The following MGAT1 variants were observed in gnomAD, a reference collection of about 807,000 sequenced individuals.
MGAT1 encodes N-glycosyl-oligosaccharide-glycoprotein N-acetylglucosaminyltransferase I.
In MGAT1, 14 loss-of-function variants were observed where a neutral mutation model predicts 31.7. The ratio of observed to expected loss-of-function variants is 0.44; its 90% CI spans 0.29 to 0.69. The LOEUF is 0.69. Ranked by LOEUF, MGAT1 falls within the 30% of genes least tolerant of loss-of-function variation. MGAT1 has a pLI of 0.12. For missense variants in MGAT1, 557 were observed against 626.0 expected (o/e 0.89, Z 1.18); for synonymous variants, 338 against 276.0 (o/e 1.22, Z -2.23).
intron 1 of MGAT1, chr5:180,811,333 A>G (rs1469745975): frequency 1.3e-5 from 2 of 152,152 alleles, no homozygotes; most frequent in African/African-American, 4.8e-5. Context: ...ATTTGGAACG[A>G]TATAATTTTT....
chr5:180,792,290 G>C lies in MGAT1; in HGVS notation c.682C>G (p.Leu228Val), dbSNP rs781702757. 7 of 1,610,366 alleles carry C rather than the reference G, an allele frequency of 4.3e-6. No individual in the cohort carries two copies. The highest frequency in any genetic ancestry group is 5.1e-6 in the Non-Finnish European group (6 of 1,177,826). ...CACAGGGAGGGGTCGGCCTTCAGCA[G>C]CGGATAGGTGGCCCGAAAGTACTCG... ...FFEYFRATYP[L>V]LKADPSLWCV... Residue 228 changes from leucine (L) to valine (V), a missense_variant, in exon 2 of 2, where the codon CTG (leucine) becomes GTG (valine). Around this residue, in one of 3 missense-constraint regions of MGAT1, gnomAD observed 245 missense variants for 332.9 expected, o/e 0.74. Coordinates refer to ENST00000307826, the MANE Select transcript of MGAT1 (RefSeq NM_002406.4).
intron 1 of MGAT1, among the ~76,000 whole-genome samples, chr5:180,794,207 T>C (rs1386918174): frequency 2.7e-5 from 4 of 147,544 alleles, no homozygotes; most frequent in Non-Finnish European, 5.9e-5. Context: ...ACGGAGACCC[T>C]GTCTCTACAA....
intron 1 of MGAT1, among the ~76,000 whole-genome samples, chr5:180,796,910 AAG>A (rs1026603892): frequency 2.0e-5 from 3 of 152,050 alleles, no homozygotes; most frequent in African/African-American, 4.8e-5. Context: ...CTGGGCCCAG[AAG>A]AGTTTCAGTT....
intron 1 of MGAT1, among the ~76,000 whole-genome samples, chr5:180,796,354 G>C (rs1033475401): frequency 2.6e-5 from 4 of 152,092 alleles, no homozygotes; most frequent in Admixed American, 2.6e-4. Context: ...TCTCAGAAAC[G>C]TCAAGTCTGT....
chr5:180,792,433 T>C lies in MGAT1; in HGVS notation c.539A>G (p.Gln180Arg), dbSNP rs1326260639. 6.2e-7 allele frequency: 1 copy of C among 1,612,120 alleles called. No homozygotes were observed. The highest frequency in any genetic ancestry group is 1.1e-5 in the South Asian group (1 of 90,994). Reference sequence around the variant, plus strand: ...GTGGCGCGCGATCTTGTAGTAGCCCTGGAACTTGCGGTGGTCCGGCGGCAC... The same window carrying C: ...GTGGCGCGCGATCTTGTAGTAGCCCCGGAACTTGCGGTGGTCCGGCGGCAC... The part of the protein sequence containing the change: ...IAVPPDHRKF[Q>R]GYYKIARHYR... Residue 180 changes from glutamine to arginine, a missense_variant, in exon 2 of 2, where the codon CAG (glutamine) becomes CGG (arginine). Transcript: ENST00000307826.
chr5:180,810,180 C>T (rs1162985743), intron 1 of MGAT1: 3 of 143,458 alleles, frequency 2.1e-5, no homozygotes, highest in Non-Finnish European at 4.6e-5. Context: ...CGCACTCCTT[C>T]CCCCCTCCCA....
chr5:180,794,734 G>T (rs77110167), intron 1 of MGAT1, among the ~76,000 whole-genome samples: 1 of 152,064 alleles, frequency 6.6e-6, no homozygotes, highest in East Asian at 1.9e-4. Flanking sequence ...GATCACAAGG[G>T]GGGCAGGGGC....
In MGAT1 at chr5:180,792,880, C is replaced by A. The variant is rs1272111008; in HGVS notation, c.92G>T (p.Arg31Leu). The stretch of plus-strand genomic sequence containing the variant: ...TGAGGGTGGCCTGCCAGGTGCTGGG[C>A]GCGTCCAGAAGAAGAGGAGCAGCAG... ...NALLLLFFWT[R>L]PAPGRPPSVS... The change falls in exon 2 of 2, where the codon CGC (arginine) becomes CTC (leucine). Residue 31 changes from arginine to leucine, a missense_variant. Transcript: ENST00000307826. 3 of 1,593,548 alleles carry A rather than the reference C, an allele frequency of 1.9e-6. No individual in the cohort carries two copies. The highest frequency in any genetic ancestry group is 2.3e-5 in the East Asian group (1 of 43,880).
At chr5:180,811,183 C>G (rs985523293) in intron 1 of MGAT1, 1 of 152,252 alleles carries the variant, frequency 6.6e-6, no homozygotes, top group Non-Finnish European at 1.5e-5. Context: ...TTTGCCCCCA[C>G]GGTTCGAAAA....
chr5:180,810,753 T>A (rs978477539), intron 1 of MGAT1: 26 of 150,940 alleles, frequency 1.7e-4, no homozygotes, highest in African/African-American at 6.2e-4. Context: ...TCCCGCTTCC[T>A]CGGACGCGAG....
chr5:180,793,031 C>A lies in MGAT1; in HGVS notation c.-60G>T. On this transcript the variant is annotated 5_prime_UTR_variant, in exon 2 of 2. Transcript: ENST00000307826. ...GGTTCAAGGCTGCCCTGGGCTTGCC[C>A]GGCTCCCTTGCCCGCAGTCCTAGGG... 1.9e-6 allele frequency: 3 copies of A among 1,592,676 alleles called. No individual in the cohort carries two copies. The highest frequency in any genetic ancestry group is 2.3e-5 in the East Asian group (1 of 44,344).
intron 1 of MGAT1, chr5:180,810,584 A>C (rs1772469199): frequency 6.6e-6 from 1 of 152,100 alleles, no homozygotes; most frequent in African/African-American, 2.4e-5. Context: ...TAGGGGCGGA[A>C]CCTGTGCGGT....
At chr5:180,799,500 A>C (rs1303426508) in intron 1 of MGAT1, among the ~76,000 whole-genome samples, 1 of 152,120 alleles carries the variant, frequency 6.6e-6, no homozygotes, top group Non-Finnish European at 1.5e-5. Flanking sequence ...GCTGTAACAG[A>C]ATCTGTGGCC....
At chr5:180,793,693 A>T (rs910615716) in intron 1 of MGAT1, among the ~76,000 whole-genome samples, 9 of 152,234 alleles carry the variant, frequency 5.9e-5, no homozygotes, top group Non-Finnish European at 1.0e-4. Context: ...AAAACTCAAA[A>T]AGAATCAATA....
intron 1 of MGAT1, among the ~76,000 whole-genome samples, chr5:180,796,288 A>G (rs890828030): frequency 6.6e-6 from 1 of 151,916 alleles, no homozygotes; most frequent in Non-Finnish European, 1.5e-5. Context: ...TTCACCACCA[A>G]CCACTTGTCT....
chr5:180,785,128 TA>T lies in MGAT1; in HGVS notation c.*6505del, dbSNP rs1323697385. 6 of 152,206 alleles carry T rather than the reference TA, an allele frequency of 3.9e-5. No homozygotes were observed. Among genetic ancestry groups the T allele is most frequent in the African/African-American group, 1.4e-4 (6 of 41,464 alleles). 9.4% of individuals were successfully genotyped at this position (152,206 alleles called of 1,614,324 possible). A position where few individuals can be genotyped will look rare whatever the true frequency, so the allele number is the denominator to read the frequency against. ...ATCCTTTAATTCAAGAACATCTACG[TA>T]AATAATAGAACCAGTCTCCTAGATG... is the stretch of plus-strand genomic sequence containing the variant. On this transcript the variant is annotated 3_prime_UTR_variant, in exon 2 of 2. Coordinates refer to ENST00000307826, the MANE Select transcript of MGAT1 (RefSeq NM_002406.4).
chr5:180,805,057 G>A (rs904186035), upstream of MGAT1, among the ~76,000 whole-genome samples: 35 of 152,268 alleles, frequency 2.3e-4, no homozygotes, highest in African/African-American at 7.7e-4. Flanking sequence ...GGGTAAATGA[G>A]TGCCAAACTG....
At position 180,788,263 on chromosome 5, in the gene MGAT1, G is replaced by A. The variant is rs1264996929; in HGVS notation, c.*3371C>T. ...CCTGAAGGTGCTCCTTGCTTCAGGA[G>A]CCTGAGAACCCAGTCTTTCGTCTTG... is the stretch of plus-strand genomic sequence containing the variant. On this transcript the variant is annotated 3_prime_UTR_variant, in exon 2 of 2. Transcript: ENST00000307826. The A allele has an allele frequency of 6.6e-6, 1 of 152,338 alleles. No homozygotes were observed. Among genetic ancestry groups the A allele is most frequent in the Non-Finnish European group, 1.5e-5 (1 of 68,138 alleles). The allele number at this position is 152,338 out of a possible 1,614,324, so 9.4% of individuals were successfully genotyped here. A position where few individuals can be genotyped will look rare whatever the true frequency, so the allele number is the denominator to read the frequency against.
intron 1 of MGAT1, among the ~76,000 whole-genome samples, chr5:180,800,965 G>A (rs531502616): frequency 1.7e-4 from 26 of 152,344 alleles, no homozygotes; most frequent in Non-Finnish European, 2.8e-4. Flanking sequence ...TTAGGGAGGT[G>A]ACACAGCCAA....
Sources: gnomAD v4.1 joint callset for allele counts (sites outside exome capture counted in the v4.1 genomes callset) on GRCh38, gnomAD v4.1.1 for gene constraint, gnomAD v4.1.1 regional missense constraint, MANE v1.5 for transcripts, NCBI Gene and HGNC (gene_info 2026-07-23, HGNC 2026-07-21) for gene names.